The following TBC1D9 variants were observed in gnomAD, a reference collection of about 807,000 sequenced individuals.
The protein encoded by TBC1D9 is TBC1 domain family member 9A.
In TBC1D9, 63 loss-of-function variants were observed where a neutral mutation model predicts 132.0. The observed-to-expected ratio is 0.48, with a 90% CI of 0.39 to 0.59. The LOEUF (loss-of-function observed/expected upper bound fraction) is 0.59, where lower values mean the gene tolerates loss of function less well. Among genes scored for constraint, TBC1D9 ranks in the 20% least tolerant of loss-of-function variants. The probability of loss-of-function intolerance (pLI) is 0.00; values close to 1 mark genes in which losing one functional copy is unlikely to be tolerated. For synonymous variants in TBC1D9, 610 were observed against 609.9 expected (o/e 1.00, Z 0.00); for missense variants, 1,261 against 1,592.7 (o/e 0.79, Z 3.54).
intron 15 of TBC1D9, among the ~76,000 whole-genome samples, chr4:140,636,910 C>T (rs1303089140): frequency 6.6e-6 from 1 of 152,200 alleles, no homozygotes; most frequent in African/African-American, 2.4e-5. Context: ...GTCCTCAATA[C>T]AGCTGAGGAA....
chr4:140,669,014 C>T lies in TBC1D9; in HGVS notation c.1491G>A (p.Gly497=). 1 of 1,614,004 alleles carries T rather than the reference C, an allele frequency of 6.2e-7. No homozygotes were observed. The highest frequency in any genetic ancestry group is 8.5e-7 in the Non-Finnish European group (1 of 1,179,886). The change falls in exon 9 of 21, where the codon GGG becomes GGA. Residue 497 remains glycine (G), a synonymous_variant. Transcript: ENST00000442267. ...CTGTGCGGTACATGCAGATCCCTTG[C>T]CCATACTCAGCAAAGTGAATCTTCC... is the stretch of plus-strand genomic sequence containing the variant. The part of the protein sequence containing the change: ...QAWKIHFAEY[G]QGICMYRTEK...
At chr4:140,643,273 G>C (rs896094736) in intron 13 of TBC1D9, 10 of 1,296,500 alleles carry the variant, frequency 7.7e-6, no homozygotes, top group Non-Finnish European at 4.4e-6. Flanking sequence ...TCGCTCAGCA[G>C]GGTGATGCCG....
intron 13 of TBC1D9, among the ~76,000 whole-genome samples, chr4:140,647,322 G>A (rs775831578): frequency 3.9e-5 from 6 of 152,162 alleles, no homozygotes; most frequent in Non-Finnish European, 5.9e-5. Context: ...AGCTGCAAGT[G>A]GTCTGAGGCT....
At position 140,709,248 on chromosome 4, in the gene TBC1D9, T is replaced by TCTCTCTCTCA. The variant is rs1382500714; in HGVS notation, c.131-7635_131-7634insTGAGAGAGAG. 7.7e-5 allele frequency among the ~76,000 whole-genome samples: 8 copies of TCTCTCTCTCA among 104,190 alleles called. 1 individual carries two copies. The East Asian group carries it at 1.3e-3, about 17-fold the overall frequency. 68.4% of individuals were successfully genotyped at this position (104,190 alleles called of 152,430 possible). A position where few individuals can be genotyped will look rare whatever the true frequency, so the allele number is the denominator to read the frequency against. ...CTCTCTCTCTCTCTCTCTCTCTCTC[T>TCTCTCTCTCA]CACACACACACACACACACACACAC... is the stretch of plus-strand genomic sequence containing the variant. On this transcript the variant is annotated intron_variant, in intron 1 of 20. Coordinates refer to ENST00000442267, the MANE Select transcript of TBC1D9 (RefSeq NM_015130.3).
At chr4:140,679,872 A>G in intron 3 of TBC1D9, 29 bp from the exon 4 acceptor site, 1 of 1,557,470 alleles carries the variant, frequency 6.4e-7, no homozygotes, top group Non-Finnish European at 8.8e-7. Flanking sequence ...CAAAGCACAC[A>G]ACTGGTATTA....
At chr4:140,717,129 C>T (rs2111054523) in intron 1 of TBC1D9, among the ~76,000 whole-genome samples, 1 of 152,260 alleles carries the variant, frequency 6.6e-6, no homozygotes, top group African/African-American at 2.4e-5. Context: ...TTTGAATAAA[C>T]AAAGGTTTCA....
intron 13 of TBC1D9, chr4:140,644,499 C>CG (rs989967174): frequency 5.1e-5 from 15 of 296,406 alleles, no homozygotes; most frequent in Admixed American, 1.0e-4. Flanking sequence ...GGCAGCCAGG[C>CG]GGGGGGCTTT....
chr4:140,621,673 A>G lies in TBC1D9; in HGVS notation c.*522T>C, dbSNP rs1736615920. 6.6e-6 allele frequency: 1 copy of G among 152,284 alleles called. No homozygotes were observed. The highest frequency in any genetic ancestry group is 2.4e-5 in the African/African-American group (1 of 41,472). The allele number at this position is 152,284 out of a possible 1,614,324, so 9.4% of individuals were successfully genotyped here. ...TTTGAATAGAGGACTTCTATGAAATATATTTCAAATCTTAAAAATATTTTT... is the reference window on the plus strand; with the variant it reads ...TTTGAATAGAGGACTTCTATGAAATGTATTTCAAATCTTAAAAATATTTTT... On this transcript the variant is annotated 3_prime_UTR_variant, in exon 21 of 21. Transcript: ENST00000442267.
chr4:140,675,901 T>C (rs1481158154), intron 6 of TBC1D9, among the ~76,000 whole-genome samples: 1 of 152,194 alleles, frequency 6.6e-6, no homozygotes, highest in African/African-American at 2.4e-5. Context: ...ATTTGATGCT[T>C]TGGCATCTTG....
At chr4:140,694,999 C>T (rs559803104) in intron 2 of TBC1D9, among the ~76,000 whole-genome samples, 2 of 152,252 alleles carry the variant, frequency 1.3e-5, no homozygotes, top group African/African-American at 4.8e-5. Flanking sequence ...TATAAAAATA[C>T]CTATCAACTT....
chr4:140,655,765 C>T (rs867710374), intron 13 of TBC1D9, among the ~76,000 whole-genome samples: 4 of 152,264 alleles, frequency 2.6e-5, no homozygotes, highest in Middle Eastern at 3.4e-3. Flanking sequence ...CCTCCCCCAT[C>T]CAAGCCAAGC....
intron 2 of TBC1D9, among the ~76,000 whole-genome samples, chr4:140,695,896 C>G (rs1737947628): frequency 6.6e-6 from 1 of 152,134 alleles, no homozygotes; most frequent in Admixed American, 6.5e-5. Context: ...TGTCAGAGTA[C>G]AGTAAATCAG....
intron 3 of TBC1D9, 102 bp from the exon 4 acceptor site, chr4:140,679,945 A>AT: frequency 1.0e-6 from 1 of 977,826 alleles, no homozygotes; most frequent in Non-Finnish European, 1.4e-6. Flanking sequence ...TAAAAAAAAA[A>AT]ATTGAGGAAT....
rs1041662101 is a variant in TBC1D9 at position 140,622,419 on chromosome 4, C to T, written c.3577G>A (p.Gly1193Ser). Residue 1193 changes from glycine (G) to serine (S), a missense_variant, in exon 21 of 21, where the codon GGC becomes AGC. This residue lies in a region of TBC1D9 where 618 missense variants were observed against 724.4 expected (regional missense o/e 0.85). Coordinates refer to ENST00000442267, the MANE Select transcript of TBC1D9 (RefSeq NM_015130.3). ...CGGGGCAGTGCCGCCGTGCCCTGGC[C>T]GCTCCGCACCAGGACCGTGTCCTCT... ...IGEDTVLVRS[G>S]QGTAALPRST... The T allele has an allele frequency of 1.2e-5, 19 of 1,613,342 alleles. No homozygotes were observed. The highest frequency in any genetic ancestry group is 3.3e-5 in the South Asian group (3 of 91,062).
chr4:140,743,344 T>C lies in TBC1D9; in HGVS notation c.130+12572A>G, dbSNP rs1043838331. On this transcript the variant is annotated intron_variant, in intron 1 of 20. Coordinates refer to ENST00000442267, the MANE Select transcript of TBC1D9 (RefSeq NM_015130.3). ...ACAATCATCTATGAATGGTTCTTTA[T>C]GTTTCCTGTATTTTACATGACTTAT... 2.0e-5 allele frequency among the ~76,000 whole-genome samples: 3 copies of C among 152,352 alleles called. No individual in the cohort carries two copies. In the South Asian group the frequency reaches 6.2e-4, roughly 32 times the overall value.
At chr4:140,643,955 C>T (rs998223788) in intron 13 of TBC1D9, 11 of 620,460 alleles carry the variant, frequency 1.8e-5, no homozygotes, top group Non-Finnish European at 3.3e-5. Context: ...CCTCCACCTT[C>T]GCCTCCTGTT....
At chr4:140,717,918 T>C (rs901687) in intron 1 of TBC1D9, among the ~76,000 whole-genome samples, 122,014 of 152,102 alleles carry the variant, frequency 0.8, 49,502 homozygotes, top group East Asian at 0.94. Context: ...AGCAATATAC[T>C]TGTTCTCTTG....
At chr4:140,743,634 G>C (rs77657939) in intron 1 of TBC1D9, among the ~76,000 whole-genome samples, 2,862 of 152,300 alleles carry the variant, frequency 0.019, 33 homozygotes, top group Non-Finnish European at 0.029. Context: ...CATGAAGCAG[G>C]CATGGGCTTC....
intron 13 of TBC1D9, among the ~76,000 whole-genome samples, chr4:140,648,386 T>TTG (rs1553968434): frequency 8.2e-6 from 1 of 121,602 alleles, no homozygotes; most frequent in African/African-American, 3.7e-5. Context: ...TTTGTTGTTG[T>TTG]TTTTTTTTTT....
Sources: gnomAD v4.1 joint callset for allele counts (sites outside exome capture counted in the v4.1 genomes callset) on GRCh38, gnomAD v4.1.1 for gene constraint, gnomAD v4.1.1 regional missense constraint, MANE v1.5 for transcripts, NCBI Gene and HGNC (gene_info 2026-07-23, HGNC 2026-07-21) for gene names.